The following GALK2 variants were observed in gnomAD, a reference collection of about 807,000 sequenced individuals.
The protein encoded by GALK2 is N-acetylgalactosamine kinase.
A neutral mutation model predicts 52.4 loss-of-function variants in GALK2; 36 were observed. That is an observed-to-expected ratio of 0.69 (90% CI 0.53 to 0.91). The LOEUF is 0.91. GALK2 is among the 40% of genes least tolerant of loss of function. The pLI is 0.00. For missense variants in GALK2, 579 were observed against 559.1 expected, an observed-to-expected ratio of 1.04 and a Z score of -0.36; for synonymous variants, 176 against 199.1, an observed-to-expected ratio of 0.88 and a Z score of 0.98.
intron 3 of GALK2, among the ~76,000 whole-genome samples, chr15:49,232,771 C>A (rs1430709977): frequency 6.6e-6 from 1 of 152,216 alleles, no homozygotes; most frequent in Admixed American, 6.5e-5. Context: ...CTAGATGCCT[C>A]CAGGCTCTTT....
At chr15:49,349,747 T>C (rs2041989819) in intron 3 of GALK2, among the ~76,000 whole-genome samples, 1 of 152,216 alleles carries the variant, frequency 6.6e-6, no homozygotes, top group African/African-American at 2.4e-5. Context: ...TACTGACTTC[T>C]GGGCTTATAC....
intron 8 of GALK2, chr15:49,318,904 T>A (rs753208645): frequency 1.8e-5 from 8 of 449,998 alleles, no homozygotes; most frequent in Non-Finnish European, 3.1e-5. Context: ...ATACTGCACA[T>A]CCCTCAGTGC....
intron 1 of GALK2, among the ~76,000 whole-genome samples, chr15:49,173,212 T>C (rs2085217741): frequency 6.6e-6 from 1 of 152,216 alleles, no homozygotes; most frequent in Non-Finnish European, 1.5e-5. Context: ...GTTCTGAAGG[T>C]TCATGTATCA....
At chr15:49,210,957 T>TCTCACACA (rs1555405131) in intron 2 of GALK2, among the ~76,000 whole-genome samples, 4 of 112,768 alleles carry the variant, frequency 3.5e-5, no homozygotes, top group Non-Finnish European at 7.2e-5. Context: ...ATGTTGGCTG[T>TCTCACACA]CACACACACA....
intron 8 of GALK2, among the ~76,000 whole-genome samples, chr15:49,303,966 T>G (rs1157723806): frequency 6.6e-6 from 1 of 152,232 alleles, no homozygotes; most frequent in African/African-American, 2.4e-5. Context: ...ATCTCTGTCT[T>G]TCAGGAGTGA....
chr15:49,306,391 C>G (rs1243577575), intron 8 of GALK2, among the ~76,000 whole-genome samples: 1 of 152,020 alleles, frequency 6.6e-6, no homozygotes, highest in East Asian at 1.9e-4. Flanking sequence ...AAGCACTGTG[C>G]TAGGTACTGT....
intron 3 of GALK2, among the ~76,000 whole-genome samples, chr15:49,227,221 G>A (rs2090185014): frequency 6.6e-6 from 1 of 152,104 alleles, no homozygotes; most frequent in Non-Finnish European, 1.5e-5. Flanking sequence ...TTGAGAGTGG[G>A]CTGCTGAAGT....
At chr15:49,202,850 C>G (rs1249111074) in intron 2 of GALK2, among the ~76,000 whole-genome samples, 2 of 152,096 alleles carry the variant, frequency 1.3e-5, no homozygotes, top group African/African-American at 4.8e-5. Context: ...TCTCTGCATT[C>G]TCTCTAACAC....
intron 3 of GALK2, among the ~76,000 whole-genome samples, chr15:49,355,337 T>C (rs1033445967): frequency 2.6e-5 from 4 of 152,094 alleles, no homozygotes; most frequent in Non-Finnish European, 5.9e-5. Flanking sequence ...AGTTGAAAAC[T>C]TTGAAAAAAA....
At chr15:49,286,054 A>G (rs2033317891) in intron 7 of GALK2, among the ~76,000 whole-genome samples, 1 of 152,170 alleles carries the variant, frequency 6.6e-6, no homozygotes, top group Non-Finnish European at 1.5e-5. Context: ...GTCTTAGTCT[A>G]AATGTCCCTC....
chr15:49,258,552 A>G (rs2141605465), intron 5 of GALK2, among the ~76,000 whole-genome samples: 1 of 152,212 alleles, frequency 6.6e-6, no homozygotes, highest in South Asian at 2.1e-4. Context: ...TTTGCAGAGA[A>G]GGAAACTTAC....
chr15:49,362,661 A>G (rs1256921416), intron 3 of GALK2, among the ~76,000 whole-genome samples: 1 of 152,062 alleles, frequency 6.6e-6, no homozygotes, highest in Non-Finnish European at 1.5e-5. Context: ...TTTTCTTGCA[A>G]TTGCTTTTGG....
intron 3 of GALK2, among the ~76,000 whole-genome samples, chr15:49,349,590 G>A (rs780853437): frequency 6.6e-6 from 1 of 152,084 alleles, no homozygotes; most frequent in Non-Finnish European, 1.5e-5. Context: ...GAGTCAAGTA[G>A]GGGAGTTATT....
chr15:49,182,332 T>C (rs1190542014), intron 1 of GALK2, among the ~76,000 whole-genome samples: 1 of 152,246 alleles, frequency 6.6e-6, no homozygotes, highest in Non-Finnish European at 1.5e-5. Context: ...GATCTCATTC[T>C]TTTTTACGGC....
intron 1 of GALK2, among the ~76,000 whole-genome samples, chr15:49,181,706 TA>T (rs2085984570): frequency 6.6e-6 from 1 of 151,980 alleles, no homozygotes; most frequent in South Asian, 2.1e-4. Flanking sequence ...AATAGTTTTT[TA>T]TTTTGAAATA....
At chr15:49,209,159 A>G (rs1040890438) in intron 2 of GALK2, among the ~76,000 whole-genome samples, 3 of 152,194 alleles carry the variant, frequency 2.0e-5, no homozygotes, top group Non-Finnish European at 2.9e-5. Flanking sequence ...ACATTGAATG[A>G]AACACTAGCT....
rs768789510 is a variant in GALK2 at position 49,328,019 on chromosome 15, C to A, written c.1237C>A (p.Pro413Thr). The change falls in exon 10 of 10, where the codon CCT becomes ACT. Residue 413 changes from proline (P) to threonine (T), a missense_variant. Pro to Thr is a conservative substitution (Grantham distance 38). Transcript: ENST00000560031. ...GWGGCTVSMV[P>T]ADKLPSFLAN... ...GGGAGGCTGCACAGTATCAATGGTA[C>A]CTGCGGACAAGCTGCCCAGCTTTCT... 1 of 1,613,900 alleles carries A rather than the reference C, an allele frequency of 6.2e-7. No individual in the cohort carries two copies. The highest frequency in any genetic ancestry group is 2.2e-5 in the East Asian group (1 of 44,880).
At chr15:49,227,633 C>T (rs535246850) in intron 3 of GALK2, among the ~76,000 whole-genome samples, 86 of 151,886 alleles carry the variant, frequency 5.7e-4, no homozygotes, top group Non-Finnish European at 1.1e-3. Flanking sequence ...TTTTTACATT[C>T]AATGTTATTA....
intron 1 of GALK2, among the ~76,000 whole-genome samples, chr15:49,196,223 T>A (rs1444407417): frequency 6.6e-6 from 1 of 152,142 alleles, no homozygotes; most frequent in East Asian, 1.9e-4. Flanking sequence ...AGAATTTAGT[T>A]TCCTATTATC....
Sources: gnomAD v4.1 joint callset for allele counts (sites outside exome capture counted in the v4.1 genomes callset) on GRCh38, gnomAD v4.1.1 for gene constraint, MANE v1.5 for transcripts, NCBI Gene and HGNC (gene_info 2026-07-23, HGNC 2026-07-21) for gene names.